The following PTPRN2 variants were observed in gnomAD, a reference collection of about 807,000 sequenced individuals.
PTPRN2 encodes receptor-type tyrosine-protein phosphatase N2.
Under a neutral mutation model 118.8 loss-of-function variants are expected in PTPRN2, and 74 were observed. The observed-to-expected ratio is 0.62, with a 90% CI of 0.52 to 0.76. The LOEUF is 0.76. PTPRN2 is among the 30% of genes least tolerant of loss of function. The pLI, the probability that PTPRN2 is intolerant of heterozygous loss-of-function variation, is 0.00. For missense variants in PTPRN2, 1,481 were observed against 1,394.4 expected, an observed-to-expected ratio of 1.06 and a Z score of -0.99; for synonymous variants, 641 against 608.0, an observed-to-expected ratio of 1.05 and a Z score of -0.80.
At chr7:157,844,030 G>A (rs1160988530) in intron 12 of PTPRN2, among the ~76,000 whole-genome samples, 2 of 152,124 alleles carry the variant, frequency 1.3e-5, no homozygotes, top group South Asian at 2.1e-4. Context: ...AGGAGGGGGC[G>A]GCGCAGGCCC....
rs1797482515 is a variant in PTPRN2, at chr7:157,691,243, A to T, written c.1789-8306T>A. Among the ~76,000 whole-genome samples the T allele has an allele frequency of 2.7e-5, 4 of 149,236 alleles. No homozygotes were observed. In the South Asian group the frequency reaches 8.8e-4, roughly 33 times the overall value. ...TCAGTGTTTCTCCCTTTCATCGTTC[A>T]TACTGGGCAAGTTCAGGGTAGCACC... On this transcript the variant is annotated intron_variant, in intron 12 of 22. Transcript: ENST00000389418.
rs886391992 is a variant in PTPRN2, at chr7:158,292,517, T to C, written c.277+24302A>G. Among the ~76,000 whole-genome samples, 137 of 152,366 alleles carry C rather than the reference T, an allele frequency of 9.0e-4. 1 individual carries two copies. The highest frequency in any genetic ancestry group is 3.0e-3 in the African/African-American group (123 of 41,592). On this transcript the variant is annotated intron_variant, in intron 3 of 22. Coordinates refer to ENST00000389418, the MANE Select transcript of PTPRN2 (RefSeq NM_002847.5). ...AATCCTAAGAGTAGTACAGTTGCAT[T>C]GCTTAATGGTAGGGGTACATTCTGA...
intron 6 of PTPRN2, among the ~76,000 whole-genome samples, chr7:158,157,747 A>ACC (rs113485142): frequency 9.9e-5 from 15 of 151,748 alleles, no homozygotes; most frequent in African/African-American, 2.2e-4. Flanking sequence ...CCACAGAGTG[A>ACC]CCCCCCCAGC....
At chr7:158,302,085 T>C (rs200378690) in intron 3 of PTPRN2, among the ~76,000 whole-genome samples, 2 of 152,200 alleles carry the variant, frequency 1.3e-5, no homozygotes, top group East Asian at 3.8e-4. Context: ...TGATGTGCTA[T>C]TTATAAAAGA....
chr7:157,743,747 G>C (rs946511568), intron 12 of PTPRN2, among the ~76,000 whole-genome samples: 2 of 152,068 alleles, frequency 1.3e-5, no homozygotes, highest in Admixed American at 1.3e-4. Flanking sequence ...CTATCTCTGG[G>C]TTGGCTGAGT....
At position 157,760,365 on chromosome 7, in the gene PTPRN2, C is replaced by T. The variant is rs75014974; in HGVS notation, c.1789-77428G>A. Among the ~76,000 whole-genome samples, 988 of 152,094 alleles carry T rather than the reference C, an allele frequency of 6.5e-3. 24 individuals carry two copies. Among genetic ancestry groups the T allele is most frequent in the South Asian group, 0.06 (289 of 4,780 alleles). On this transcript the variant is annotated intron_variant, in intron 12 of 22. Coordinates refer to ENST00000389418, the MANE Select transcript of PTPRN2 (RefSeq NM_002847.5). ...AGTCGGGATGCAGGGTGCACGTTCT[C>T]GGTGTCCCCACGTTCAGCTCTACAT...
intron 12 of PTPRN2, among the ~76,000 whole-genome samples, chr7:157,843,767 G>T (rs753564967): frequency 1.3e-5 from 2 of 152,182 alleles, no homozygotes; most frequent in East Asian, 3.9e-4. Flanking sequence ...TCGCAGTTTC[G>T]AAGGAAACCT....
intron 6 of PTPRN2, among the ~76,000 whole-genome samples, chr7:158,139,173 T>C (rs1053908396): frequency 1.3e-5 from 2 of 151,886 alleles, no homozygotes; most frequent in African/African-American, 4.8e-5. Context: ...AACCCGAAAT[T>C]GAGAATAGGG....
At chr7:158,366,630 T>C (rs1420289142) in intron 2 of PTPRN2, among the ~76,000 whole-genome samples, 1 of 152,218 alleles carries the variant, frequency 6.6e-6, no homozygotes, top group Non-Finnish European at 1.5e-5. Context: ...CACCGAGACA[T>C]ACACGGCTGG....
At chr7:157,931,460 TC>T (rs1346314224) in intron 11 of PTPRN2, among the ~76,000 whole-genome samples, 1 of 152,184 alleles carries the variant, frequency 6.6e-6, no homozygotes, top group East Asian at 1.9e-4. Flanking sequence ...CCAGTCTACT[TC>T]CGATCACACG....
At chr7:157,588,487 C>T (rs1800802582) in intron 17 of PTPRN2, among the ~76,000 whole-genome samples, 4 of 152,210 alleles carry the variant, frequency 2.6e-5, no homozygotes, top group African/African-American at 9.6e-5. Context: ...GCGGGGGCTT[C>T]TCTGCGACAG....
At chr7:157,897,261 A>G (rs1362417179) in intron 12 of PTPRN2, among the ~76,000 whole-genome samples, 1 of 152,084 alleles carries the variant, frequency 6.6e-6, no homozygotes, top group East Asian at 1.9e-4. Flanking sequence ...CCGACATCAC[A>G]TCTTCCACAT....
intron 12 of PTPRN2, among the ~76,000 whole-genome samples, chr7:157,895,195 G>A (rs1345460376): frequency 1.3e-5 from 2 of 152,020 alleles, no homozygotes; most frequent in Admixed American, 6.6e-5. Flanking sequence ...GGATCTGGAC[G>A]AGACCATAAA....
chr7:158,081,491 G>A (rs1585373646), intron 10 of PTPRN2, 114 bp from the exon 11 acceptor site: 12 of 977,002 alleles, frequency 1.2e-5, no homozygotes, highest in East Asian at 1.0e-4. Flanking sequence ...ATCCAAGGCC[G>A]CTGTGGCTCC....
intron 1 of PTPRN2, among the ~76,000 whole-genome samples, chr7:158,580,008 GAGAA>G (rs1828541101): frequency 6.6e-6 from 1 of 152,228 alleles, no homozygotes; most frequent in South Asian, 2.1e-4. Context: ...AGGAAAAGCA[GAGAA>G]AGAGATTCAA....
chr7:158,439,594 T>C (rs536665022), intron 2 of PTPRN2, among the ~76,000 whole-genome samples: 1 of 152,348 alleles, frequency 6.6e-6, no homozygotes, highest in African/African-American at 2.4e-5. Context: ...CATTTGGTCC[T>C]TTACAGATAA....
At chr7:158,282,275 C>T (rs1193069592) in intron 3 of PTPRN2, among the ~76,000 whole-genome samples, 1 of 151,798 alleles carries the variant, frequency 6.6e-6, no homozygotes, top group Non-Finnish European at 1.5e-5. Context: ...TGGTCTTTTC[C>T]GTCTGTCTTG....
chr7:158,304,088 A>G (rs1249340141), intron 3 of PTPRN2, among the ~76,000 whole-genome samples: 1 of 144,094 alleles, frequency 6.9e-6, no homozygotes, highest in African/African-American at 2.6e-5. Context: ...ATCAATACAC[A>G]TAAGATGTAC....
intron 2 of PTPRN2, among the ~76,000 whole-genome samples, chr7:158,340,366 G>A (rs1389780717): frequency 2.1e-5 from 2 of 93,648 alleles, no homozygotes; most frequent in African/African-American, 3.9e-5. Context: ...GCCCACAGAG[G>A]TCACTCACAC....
Sources: allele counts gnomAD v4.1 joint callset (sites outside exome capture counted in the v4.1 genomes callset), GRCh38; gene constraint gnomAD v4.1.1; transcripts MANE v1.5; gene names NCBI Gene and HGNC (gene_info 2026-07-23, HGNC 2026-07-21).